XKR6: variants seen among roughly 807,000 people sequenced by gnomAD.
XKR6 encodes XK related 6.
XKR6 carries 22 observed loss-of-function variants against 56.7 expected under a neutral mutation model. The ratio of observed to expected loss-of-function variants is 0.39; its 90% CI spans 0.28 to 0.55. The LOEUF is 0.55. Ranked by LOEUF, XKR6 falls within the 20% of genes least tolerant of loss-of-function variation. The pLI, the probability that XKR6 is intolerant of heterozygous loss-of-function variation, is 0.66. For synonymous variants in XKR6, 524 were observed against 387.8 expected (o/e 1.35, Z -4.13); for missense variants, 852 against 889.0 (o/e 0.96, Z 0.53).
chr8:10,986,499 A>T (rs1442540610), intron 1 of XKR6, among the ~76,000 whole-genome samples: 1 of 152,176 alleles, frequency 6.6e-6, no homozygotes, highest in East Asian at 1.9e-4. Context: ...GCTGTGGAAA[A>T]GTTTAATGAG....
At chr8:11,073,423 T>G (rs889544627) in intron 1 of XKR6, among the ~76,000 whole-genome samples, 4 of 152,290 alleles carry the variant, frequency 2.6e-5, no homozygotes, top group African/African-American at 4.8e-5. Context: ...GACCTGTATA[T>G]GAAGGACTGG....
At chr8:10,951,404 A>G (rs1801720302) in intron 1 of XKR6, among the ~76,000 whole-genome samples, 1 of 152,016 alleles carries the variant, frequency 6.6e-6, no homozygotes, top group Non-Finnish European at 1.5e-5. Flanking sequence ...AGAGAGGGGA[A>G]TGGGCTTGCA....
chr8:10,938,046 C>G (rs1052130912), intron 1 of XKR6, among the ~76,000 whole-genome samples: 1 of 152,182 alleles, frequency 6.6e-6, no homozygotes, highest in East Asian at 1.9e-4. Flanking sequence ...TGCCAGCAAT[C>G]AGCGAGACTC....
At chr8:11,057,947 A>G (rs926893891) in intron 1 of XKR6, among the ~76,000 whole-genome samples, 1 of 152,246 alleles carries the variant, frequency 6.6e-6, no homozygotes, top group African/African-American at 2.4e-5. Context: ...AGGAAGAGAA[A>G]GAAAATAGCT....
At chr8:10,962,187 G>C (rs1192601935) in intron 1 of XKR6, among the ~76,000 whole-genome samples, 3 of 152,210 alleles carry the variant, frequency 2.0e-5, no homozygotes, top group African/African-American at 7.2e-5. Context: ...AAAGAAGTAA[G>C]AAAATGCAAA....
intron 1 of XKR6, among the ~76,000 whole-genome samples, chr8:11,168,639 G>C (rs1372814189): frequency 6.6e-6 from 1 of 152,164 alleles, no homozygotes; most frequent in African/African-American, 2.4e-5. Context: ...GACTATGTTT[G>C]TCCACAAAGC....
chr8:11,075,211 C>A (rs1248598349), intron 1 of XKR6, among the ~76,000 whole-genome samples: 1 of 152,236 alleles, frequency 6.6e-6, no homozygotes, highest in Non-Finnish European at 1.5e-5. Context: ...GCGCCACAGT[C>A]CCTCAGTGAG....
intron 1 of XKR6, among the ~76,000 whole-genome samples, chr8:11,175,796 T>C (rs1015844604): frequency 6.6e-6 from 1 of 152,282 alleles, no homozygotes; most frequent in Admixed American, 6.5e-5. Context: ...GTGGTCACCA[T>C]ACCTTCCAAA....
chr8:10,978,447 T>G (rs1038972333), intron 1 of XKR6, among the ~76,000 whole-genome samples: 12 of 152,196 alleles, frequency 7.9e-5, no homozygotes, highest in African/African-American at 2.9e-4. Flanking sequence ...AATTAAATAA[T>G]GCATGTGATG....
chr8:11,131,648 T>C (rs965947991), intron 1 of XKR6, among the ~76,000 whole-genome samples: 1 of 152,180 alleles, frequency 6.6e-6, no homozygotes, highest in African/African-American at 2.4e-5. Context: ...CCTTTTCCAG[T>C]CATGCAACAC....
intron 2 of XKR6, among the ~76,000 whole-genome samples, chr8:10,915,347 G>GCCT (rs138857625): frequency 5.3e-5 from 2 of 37,974 alleles, no homozygotes; most frequent in African/African-American, 2.1e-4. Flanking sequence ...CGTTGTCAGA[G>GCCT]CCCCCATGAA....
chr8:10,980,664 C>A (rs1303160844), intron 1 of XKR6, among the ~76,000 whole-genome samples: 3 of 152,164 alleles, frequency 2.0e-5, no homozygotes, highest in Non-Finnish European at 4.4e-5. Flanking sequence ...TGATCTCTGT[C>A]TATCTGTCTG....
chr8:10,927,687 AAAC>A lies in XKR6; in HGVS notation c.765-2860_765-2858del, dbSNP rs1019012016. On this transcript the variant is annotated intron_variant, in intron 1 of 2. Transcript: ENST00000416569. The stretch of plus-strand genomic sequence containing the variant: ...TGCCCACCAAGGCCGGGGCAAAGGA[AAAC>A]AACAAGCCCAGAATACACCAATTCA... Among the ~76,000 whole-genome samples, 16 of 152,262 alleles carry A rather than the reference AAAC, an allele frequency of 1.1e-4. 1 individual carries two copies. Among genetic ancestry groups the A allele is most frequent in the Admixed American group, 6.5e-4 (10 of 15,306 alleles).
At chr8:11,033,436 A>ACGATAG (rs1799055173) in intron 1 of XKR6, among the ~76,000 whole-genome samples, 1 of 151,764 alleles carries the variant, frequency 6.6e-6, no homozygotes, top group African/African-American at 2.4e-5. Flanking sequence ...GATGGTGATG[A>ACGATAG]TGATGGTCGT....
chr8:10,979,869 T>A (rs1797688198), intron 1 of XKR6, among the ~76,000 whole-genome samples: 2 of 151,922 alleles, frequency 1.3e-5, no homozygotes, highest in Admixed American at 1.3e-4. Context: ...AAGGGCAGAG[T>A]GGTCTCTGGT....
At chr8:10,926,401 G>A (rs1359346944) in intron 1 of XKR6, among the ~76,000 whole-genome samples, 4 of 152,008 alleles carry the variant, frequency 2.6e-5, no homozygotes, top group Non-Finnish European at 5.9e-5. Context: ...AGGGGTGCCC[G>A]GCTTCTCTCT....
chr8:11,080,902 AC>A (rs1278853026), intron 1 of XKR6, among the ~76,000 whole-genome samples: 1 of 152,236 alleles, frequency 6.6e-6, no homozygotes, highest in Non-Finnish European at 1.5e-5. Flanking sequence ...CCTCCACTGT[AC>A]ACACGTGAAA....
chr8:10,967,502 A>G (rs1318869918), intron 1 of XKR6, among the ~76,000 whole-genome samples: 2 of 152,172 alleles, frequency 1.3e-5, no homozygotes, highest in East Asian at 3.9e-4. Context: ...GACCAGGTGG[A>G]CAGTGCAGGC....
chr8:10,966,470 G>A (rs895268949), intron 1 of XKR6, among the ~76,000 whole-genome samples: 26 of 152,018 alleles, frequency 1.7e-4, no homozygotes, highest in African/African-American at 4.1e-4. Flanking sequence ...TCAGGAGATC[G>A]AGACCATCCT....
Sources: allele counts gnomAD v4.1 joint callset (sites outside exome capture counted in the v4.1 genomes callset), GRCh38; gene constraint gnomAD v4.1.1; transcripts MANE v1.5; gene names NCBI Gene and HGNC (gene_info 2026-07-23, HGNC 2026-07-21).